Variants in ZNF235 observed in about 807,000 individuals in gnomAD.
ZNF235 encodes the protein zfp-93.
In ZNF235, 25 loss-of-function variants were observed where a neutral mutation model predicts 29.4. The ratio of observed to expected loss-of-function variants is 0.85; its 90% CI spans 0.62 to 1.19. ZNF235 has a LOEUF of 1.19. Ranked by LOEUF, ZNF235 falls within the 50% of genes most tolerant of loss-of-function variation. The pLI, the probability that ZNF235 is intolerant of heterozygous loss-of-function variation, is 0.00. For missense variants in ZNF235, 788 were observed against 885.0 expected, an observed-to-expected ratio of 0.89 and a Z score of 1.39; for synonymous variants, 300 against 295.3, an observed-to-expected ratio of 1.02 and a Z score of -0.16.
At chr19:44,296,741 A>G (rs1975659609) in intron 4 of ZNF235, among the ~76,000 whole-genome samples, 2 of 152,224 alleles carry the variant, frequency 1.3e-5, no homozygotes, top group African/African-American at 2.4e-5. Flanking sequence ...AGGATACACC[A>G]TATGTTAAAC....
chr19:44,302,996 ATACATATATACGTATATATT>A (rs1476514847), intron 2 of ZNF235, among the ~76,000 whole-genome samples: 1 of 126,904 alleles, frequency 7.9e-6, no homozygotes, highest in Non-Finnish European at 1.6e-5. Context: ...ATATAAATAT[ATACATATATACGTATATATT>A]TATATAAAAT....
At position 44,288,524 on chromosome 19, in the gene ZNF235, G is replaced by A. The variant is rs1291776255; in HGVS notation, c.911C>T (p.Ser304Leu). The A allele has an allele frequency of 6.2e-7, 1 of 1,614,100 alleles. No individual in the cohort carries two copies. The highest frequency in any genetic ancestry group is 2.2e-5 in the East Asian group (1 of 44,876). Residue 304 changes from serine (S) to leucine (L), a missense_variant, in exon 5 of 5, where the codon TCA becomes TTA. Ser to Leu is a moderately radical substitution (Grantham distance 145). Coordinates refer to ENST00000291182, the MANE Select transcript of ZNF235 (RefSeq NM_004234.4). Reference protein sequence around the residue: ...STHEKDTSYSSGIPVQQSVRT... With the variant: ...STHEKDTSYSLGIPVQQSVRT... ...AACACTTTGTTGAACAGGAATACCT[G>A]AGCTATAACTGGTGTCCTTCTCATG...
intron 3 of ZNF235, 36 bp downstream of exon 3, chr19:44,299,570 A>G (rs1324967666): frequency 1.2e-6 from 2 of 1,611,042 alleles, no homozygotes; most frequent in Non-Finnish European, 1.7e-6. Context: ...GGAGGTTGAG[A>G]AACCCTGCTG....
chr19:44,301,919 T>A (rs1975743473), intron 2 of ZNF235, among the ~76,000 whole-genome samples: 1 of 152,212 alleles, frequency 6.6e-6, no homozygotes, highest in Non-Finnish European at 1.5e-5. Context: ...ACAAAGCTGT[T>A]CCATGGTGCA....
In ZNF235 at chr19:44,287,562, T is replaced by C. The variant is rs769147489; in HGVS notation, c.1873A>G (p.Lys625Glu). 6.2e-7 allele frequency: 1 copy of C among 1,614,230 alleles called. No individual in the cohort carries two copies. Among genetic ancestry groups the C allele is most frequent in the East Asian group, 2.2e-5 (1 of 44,892 alleles). The change falls in exon 5 of 5, where the codon AAA (lysine) becomes GAA (glutamate). Residue 625 changes from lysine to glutamate, a missense_variant. Transcript: ENST00000291182. ...CCACAAGTGTCACATTTATATGGTT[T>C]CTCTCCGGTGTGGACTCTCTGATGG... ...QAHQRVHTGE[K>E]PYKCDTCGKA... is the part of the protein sequence containing the mutation.
intron 1 of ZNF235, among the ~76,000 whole-genome samples, chr19:44,304,188 T>G (rs1465247660): frequency 6.6e-6 from 1 of 152,150 alleles, no homozygotes; most frequent in Non-Finnish European, 1.5e-5. Flanking sequence ...TCCACATGCA[T>G]GAAAGCAATG....
chr19:44,288,503 CT>C lies in ZNF235; in HGVS notation c.931del (p.Ser311ValfsTer160). On this transcript the variant is annotated frameshift_variant, in exon 5 of 5. Transcript: ENST00000291182. LOFTEE classifies it low-confidence loss of function (END_TRUNC). Reference protein sequence around the residue: ...SYSSGIPVQQSVRTGKKRYWC... With the variant: ...SYSSGIPVQQXVRTGKKRYWC... ...ATAGCGTTTTTTCCCAGTACGAACACTTTGTTGAACAGGAATACCTGAGCTA... is the reference window on the plus strand; with the variant it reads ...ATAGCGTTTTTTCCCAGTACGAACACTTGTTGAACAGGAATACCTGAGCTA... The C allele has an allele frequency of 6.2e-7, 1 of 1,614,184 alleles. No homozygotes were observed. Among genetic ancestry groups the C allele is most frequent in the South Asian group, 1.1e-5 (1 of 91,074 alleles).
In ZNF235 at chr19:44,305,005, T is replaced by G. The variant is rs1419766684; in HGVS notation, c.-83A>C. The G allele has an allele frequency of 6.3e-6, 6 of 953,448 alleles. No individual in the cohort carries two copies. The African/African-American group carries it at 1.1e-4, about 17-fold the overall frequency. The allele number at this position is 953,448 out of a possible 1,614,324, so 59.1% of individuals were successfully genotyped here. On this transcript the variant is annotated 5_prime_UTR_variant, in exon 1 of 5. Transcript: ENST00000291182. ...AGATATCTCAGATCCGACCTCGCCT[T>G]CCTGGAGCGGAAGTGCCTCCGAGTG...
At chr19:44,295,783 T>C (rs1299845003) in intron 4 of ZNF235, among the ~76,000 whole-genome samples, 1 of 151,958 alleles carries the variant, frequency 6.6e-6, no homozygotes, top group Non-Finnish European at 1.5e-5. Flanking sequence ...CAGAAATAAG[T>C]CACATACCTA....
intron 3 of ZNF235, 48 bp downstream of exon 3, chr19:44,299,558 A>G (rs368797001): frequency 6.2e-7 from 1 of 1,607,684 alleles, no homozygotes; most frequent in African/African-American, 1.3e-5. Flanking sequence ...CATCAATGGC[A>G]TGGAGGTTGA....
intron 4 of ZNF235, among the ~76,000 whole-genome samples, chr19:44,292,492 A>G (rs192421601): frequency 5.9e-4 from 90 of 151,784 alleles, no homozygotes; most frequent in African/African-American, 2.0e-3. Context: ...AGCAGAAGAA[A>G]GCATCTCGGT....
At position 44,288,318 on chromosome 19, in the gene ZNF235, T is replaced by C. The variant is rs766567943; in HGVS notation, c.1117A>G (p.Lys373Glu). The change falls in exon 5 of 5, where the codon AAG becomes GAG. Residue 373 changes from lysine to glutamate, a missense_variant. Transcript: ENST00000291182. Reference protein sequence around the residue: ...YAHLPIHTGEKPYRCDSCGKG... With the variant: ...YAHLPIHTGEEPYRCDSCGKG... ...CCACAACTGTCACATCTATAGGGCT[T>C]CTCTCCTGTGTGAATAGGCAAATGA... 1.2e-5 allele frequency: 20 copies of C among 1,613,992 alleles called. No individual in the cohort carries two copies. The South Asian group carries it at 2.1e-4, about 17-fold the overall frequency.
Position 44,287,625 on chromosome 19 carries a change from A to G in ZNF235, c.1810T>C (p.Cys604Arg), listed in dbSNP as rs764055210. 3.1e-6 allele frequency: 5 copies of G among 1,613,942 alleles called. No homozygotes were observed. Among genetic ancestry groups the G allele is most frequent in the Admixed American group, 1.7e-5 (1 of 60,014 alleles). ...GAGGCCTGACTGAATCGCTTCTGAC[A>G]TGCATCACACTTGAATGGTTTTTCC... Reference protein sequence around the residue: ...TGEKPFKCDACQKRFSQASHL... With the variant: ...TGEKPFKCDARQKRFSQASHL... The change falls in exon 5 of 5, where the codon TGT becomes CGT. Residue 604 changes from cysteine to arginine, a missense_variant. Coordinates refer to ENST00000291182, the MANE Select transcript of ZNF235 (RefSeq NM_004234.4).
Position 44,287,677 on chromosome 19 carries a change from A to G in ZNF235, c.1758T>C (p.Leu586=). The G allele has an allele frequency of 6.2e-7, 1 of 1,613,768 alleles. No homozygotes were observed. The part of the protein sequence containing the change: ...CGKGFSQASN[L]QAHQSVHTGE... ...CAGTGTGGACGCTCTGATGGGCTTGAAGATTTGAAGCCTGACTGAAACCCT... is the reference window on the plus strand; with the variant it reads ...CAGTGTGGACGCTCTGATGGGCTTGGAGATTTGAAGCCTGACTGAAACCCT... The change falls in exon 5 of 5, where the codon CTT becomes CTC. Residue 586 remains leucine, a synonymous_variant. Transcript: ENST00000291182.
chr19:44,293,547 C>T (rs1975613620), intron 4 of ZNF235, among the ~76,000 whole-genome samples: 1 of 151,976 alleles, frequency 6.6e-6, no homozygotes, highest in Non-Finnish European at 1.5e-5. Context: ...AAACACTGGA[C>T]TTAAATTAAA....
At chr19:44,303,012 A>ATACAATATATACG (rs1568647780) in intron 2 of ZNF235, among the ~76,000 whole-genome samples, 1 of 139,242 alleles carries the variant, frequency 7.2e-6, no homozygotes, top group African/African-American at 2.7e-5. Flanking sequence ...ATATACGTAT[A>ATACAATATATACG]TATTTATATA....
intron 4 of ZNF235, among the ~76,000 whole-genome samples, chr19:44,295,778 A>G (rs1455885449): frequency 1.3e-5 from 2 of 152,194 alleles, no homozygotes; most frequent in Non-Finnish European, 2.9e-5. Flanking sequence ...GAACCCAGAA[A>G]TAAGTCACAT....
chr19:44,298,491 G>A (rs535901145), intron 4 of ZNF235, among the ~76,000 whole-genome samples: 1 of 151,886 alleles, frequency 6.6e-6, no homozygotes, highest in African/African-American at 2.4e-5. Context: ...CGCCTCCCAG[G>A]TTCAAGCAAT....
intron 4 of ZNF235, chr19:44,297,500 G>A (rs986601596): frequency 6.6e-6 from 1 of 152,302 alleles, no homozygotes; most frequent in Non-Finnish European, 1.5e-5. Context: ...TTTCGCTTTT[G>A]TTGTCCAGGC....
Sources: allele counts gnomAD v4.1 joint callset (sites outside exome capture counted in the v4.1 genomes callset), GRCh38; gene constraint gnomAD v4.1.1; transcripts MANE v1.5; gene names NCBI Gene and HGNC (gene_info 2026-07-23, HGNC 2026-07-21).